The following PDIA6 variants were observed in gnomAD, a reference collection of about 807,000 sequenced individuals.
The protein encoded by PDIA6 is protein disulfide isomerase family A member 6.
PDIA6 carries 29 observed loss-of-function variants against 58.4 expected under a neutral mutation model. That is an observed-to-expected ratio of 0.50 (90% CI 0.37 to 0.68). The LOEUF is 0.68. PDIA6 is among the 30% of genes least tolerant of loss of function. The pLI is 0.00. For synonymous variants in PDIA6, 192 were observed against 202.6 expected, an observed-to-expected ratio of 0.95 and a Z score of 0.44; for missense variants, 480 against 551.0, an observed-to-expected ratio of 0.87 and a Z score of 1.29.
At chr2:10,814,726 A>G (rs1441090609), upstream of PDIA6, among the ~76,000 whole-genome samples, 1 of 152,208 alleles carries the variant, frequency 6.6e-6, no homozygotes, top group Non-Finnish European at 1.5e-5. Flanking sequence ...ACATTAAGAC[A>G]GTTAACTTTG....
intron 1 of PDIA6, among the ~76,000 whole-genome samples, chr2:10,828,184 A>C (rs932787989): frequency 2.6e-5 from 4 of 152,182 alleles, no homozygotes; most frequent in Admixed American, 2.0e-4. Context: ...GGACAGATGG[A>C]GATGACACAC....
At chr2:10,826,158 G>C (rs2148580265) in intron 1 of PDIA6, among the ~76,000 whole-genome samples, 1 of 152,352 alleles carries the variant, frequency 6.6e-6, no homozygotes, top group African/African-American at 2.4e-5. Flanking sequence ...AGGAAGCGCA[G>C]TGGCATGCCA....
At chr2:10,818,641 C>T (rs761537377) in intron 2 of PDIA6, among the ~76,000 whole-genome samples, 3 of 151,932 alleles carry the variant, frequency 2.0e-5, no homozygotes, top group Admixed American at 6.6e-5. Context: ...CTTCCTCAGC[C>T]TCTTGAGTAG....
intron 1 of PDIA6, among the ~76,000 whole-genome samples, chr2:10,806,628 CAGAAAGAAAG>C: frequency 1.4e-5 from 1 of 70,426 alleles, no homozygotes; most frequent in Non-Finnish European, 3.9e-5. Flanking sequence ...AAAATAAAGA[CAGAAAGAAAG>C]AAAGAAAGAA....
At chr2:10,815,956 T>C (rs1432097201), upstream of PDIA6, among the ~76,000 whole-genome samples, 1 of 152,142 alleles carries the variant, frequency 6.6e-6, no homozygotes, top group Non-Finnish European at 1.5e-5. Context: ...ACAGAACCTC[T>C]GTACCCATTA....
Position 10,812,748 on chromosome 2 carries a change from G to T in PDIA6, c.-52C>A. 2 of 1,408,062 alleles carry T rather than the reference G, an allele frequency of 1.4e-6. No individual in the cohort carries two copies. Among genetic ancestry groups the T allele is most frequent in the Non-Finnish European group, 1.9e-6 (2 of 1,079,908 alleles). 87.2% of individuals were successfully genotyped at this position (1,408,062 alleles called of 1,614,324 possible). On this transcript the variant is annotated 5_prime_UTR_variant, in exon 1 of 13. Coordinates refer to ENST00000272227, the MANE Select transcript of PDIA6 (RefSeq NM_005742.4). ...CCACCGCCGCCGCCGCTTCAGCCCTGCAGCGTGCCGCACGCCGCGCCCCCG... is the reference window on the plus strand; with the variant it reads ...CCACCGCCGCCGCCGCTTCAGCCCTTCAGCGTGCCGCACGCCGCGCCCCCG...
intron 4 of PDIA6, among the ~76,000 whole-genome samples, chr2:10,794,458 A>C (rs1300627072): frequency 2.9e-5 from 3 of 103,158 alleles, no homozygotes; most frequent in Admixed American, 1.0e-4. Flanking sequence ...GAAAAAAAAA[A>C]AAAATCTTTC....
At chr2:10,814,041 CA>C (rs1667115775), upstream of PDIA6, among the ~76,000 whole-genome samples, 1 of 152,222 alleles carries the variant, frequency 6.6e-6, no homozygotes, top group Non-Finnish European at 1.5e-5. Context: ...TAAAATCTTT[CA>C]AGCACAAGTT....
intron 7 of PDIA6, among the ~76,000 whole-genome samples, chr2:10,790,222 T>C (rs1323044967): frequency 6.6e-6 from 1 of 151,546 alleles, no homozygotes; most frequent in East Asian, 1.9e-4. Context: ...CAAGTGATCC[T>C]TGGCCTCCCA....
In PDIA6 at chr2:10,826,984, A is replaced by C. The variant is rs545181240; in HGVS notation, c.-48+5218T>G. 4.6e-5 allele frequency among the ~76,000 whole-genome samples: 7 copies of C among 152,328 alleles called. 1 individual carries two copies. In the South Asian group the frequency reaches 1.4e-3, roughly 32 times the overall value. The stretch of plus-strand genomic sequence containing the variant: ...GCTCTTCTCACACCAGGTGATCTGA[A>C]GTGACAGTGCCCCCGGGTGAGCAGT... On this transcript the variant is annotated intron_variant, in intron 1 of 13. Transcript: ENST00000381611.
At chr2:10,837,402 A>G (rs577377988), upstream of PDIA6, 1 of 615,256 alleles carries the variant, frequency 1.6e-6, no homozygotes, top group Non-Finnish European at 2.9e-6. Flanking sequence ...ATTAAAAAAC[A>G]TACGTGAGGA....
At chr2:10,819,911 C>A (rs187917172) in intron 1 of PDIA6, among the ~76,000 whole-genome samples, 4 of 152,270 alleles carry the variant, frequency 2.6e-5, no homozygotes, top group Non-Finnish European at 5.9e-5. Flanking sequence ...CCGAGAAGCC[C>A]GCCTCTGCTG....
chr2:10,835,410 TC>T (rs1288231059), upstream of PDIA6, among the ~76,000 whole-genome samples: 2 of 151,984 alleles, frequency 1.3e-5, no homozygotes, highest in Non-Finnish European at 2.9e-5. Flanking sequence ...GCGGGCCTTA[TC>T]CGGGGCGTAT....
At chr2:10,831,263 C>T (rs1032368624) in intron 1 of PDIA6, among the ~76,000 whole-genome samples, 1 of 152,196 alleles carries the variant, frequency 6.6e-6, no homozygotes, top group Non-Finnish European at 1.5e-5. Context: ...TGTGGCGCTG[C>T]CCTCCTCCCG....
At chr2:10,802,394 C>T (rs2306922) in intron 2 of PDIA6, 105 bp downstream of exon 2, 113,214 of 652,132 alleles carry the variant, frequency 0.17, 10,868 homozygotes, top group Non-Finnish European at 0.2. Context: ...TTTAAACAAA[C>T]ACTAAGCTAA....
intron 2 of PDIA6, among the ~76,000 whole-genome samples, chr2:10,800,328 T>C (rs1666448708): frequency 6.6e-6 from 1 of 152,192 alleles, no homozygotes; most frequent in Non-Finnish European, 1.5e-5. Flanking sequence ...GCATTTCAGA[T>C]TTTGTATTCT....
chr2:10,790,503 T>G (rs1341789639), intron 7 of PDIA6, among the ~76,000 whole-genome samples: 1 of 152,196 alleles, frequency 6.6e-6, no homozygotes, highest in Non-Finnish European at 1.5e-5. Context: ...AAACCTCACA[T>G]TAAGTATATA....
At chr2:10,798,059 G>A (rs1015401856) in intron 2 of PDIA6, among the ~76,000 whole-genome samples, 7 of 151,872 alleles carry the variant, frequency 4.6e-5, no homozygotes, top group African/African-American at 7.3e-5. Context: ...GGTGGTGCAC[G>A]CTTGTAATCC....
intron 1 of PDIA6, among the ~76,000 whole-genome samples, chr2:10,803,911 G>GTTTTTTTTTTTTT (rs754643092): frequency 0.01 from 1,209 of 117,746 alleles, 105 homozygotes; most frequent in Non-Finnish European, 0.016. Context: ...TAGTTTTTGT[G>GTTTTTTTTTTTTT]TTTTTTTTTT....
Sources: allele counts gnomAD v4.1 joint callset (sites outside exome capture counted in the v4.1 genomes callset), GRCh38; gene constraint gnomAD v4.1.1; transcripts MANE v1.5; gene names NCBI Gene and HGNC (gene_info 2026-07-23, HGNC 2026-07-21).